Variants in GALNT16 observed in about 807,000 individuals in gnomAD.
The protein encoded by GALNT16 is UDP-GalNAc:polypeptide N-acetylgalactosaminyltransferase-like protein 1.
Under a neutral mutation model 76.1 loss-of-function variants are expected in GALNT16, and 40 were observed. The ratio of observed to expected loss-of-function variants is 0.53; its 90% CI spans 0.41 to 0.68. The LOEUF (loss-of-function observed/expected upper bound fraction) is 0.68. Among genes scored for constraint, GALNT16 ranks in the 30% least tolerant of loss-of-function variants. The probability of loss-of-function intolerance (pLI) is 0.00; values close to 1 mark genes in which losing one functional copy is unlikely to be tolerated. For missense variants in GALNT16, 621 were observed against 731.9 expected (o/e 0.85, Z 1.75); for synonymous variants, 276 against 285.2 (o/e 0.97, Z 0.32).
chr14:69,370,123 T>A, the GALNT16 span, among the ~76,000 whole-genome samples: 1 of 152,188 alleles, frequency 6.6e-6, no homozygotes, highest in East Asian at 1.9e-4. Context: ...GCTGACTCTG[T>A]TTACATCCCT....
the GALNT16 span, among the ~76,000 whole-genome samples, chr14:69,372,098 A>T: frequency 6.6e-6 from 1 of 152,178 alleles, no homozygotes; most frequent in Non-Finnish European, 1.5e-5. Context: ...ACCTTTATGG[A>T]TGAGCAGGAT....
intron 7 of GALNT16, among the ~76,000 whole-genome samples, chr14:69,332,349 C>T (rs2045361164): frequency 6.7e-6 from 1 of 149,784 alleles, no homozygotes; most frequent in South Asian, 2.1e-4. Flanking sequence ...GTTACTTAAA[C>T]TTGCATTAAT....
chr14:69,302,074 G>C (rs2044861635), intron 1 of GALNT16, among the ~76,000 whole-genome samples: 1 of 152,128 alleles, frequency 6.6e-6, no homozygotes, highest in African/African-American at 2.4e-5. Context: ...GTGTGACTCT[G>C]CCTTCTGAGA....
intron 1 of GALNT16, among the ~76,000 whole-genome samples, chr14:69,288,585 C>T (rs2044648475): frequency 6.6e-6 from 1 of 152,208 alleles, no homozygotes; most frequent in Admixed American, 6.5e-5. Flanking sequence ...CCTAGCCAGG[C>T]CTGGCGAGTT....
chr14:69,294,256 G>A (rs530724794), intron 1 of GALNT16, among the ~76,000 whole-genome samples: 101 of 152,128 alleles, frequency 6.6e-4, no homozygotes, highest in African/African-American at 2.4e-3. Flanking sequence ...CAAGTAGCTG[G>A]GATTACAGGT....
downstream of GALNT16, among the ~76,000 whole-genome samples, chr14:69,361,397 C>T (rs142919624): frequency 1.7e-3 from 255 of 152,300 alleles, no homozygotes; most frequent in Non-Finnish European, 2.8e-3. Flanking sequence ...CCCAAGATTA[C>T]CCAGCTGGCA....
chr14:69,335,608 C>T (rs890637645), intron 9 of GALNT16, among the ~76,000 whole-genome samples: 5 of 152,244 alleles, frequency 3.3e-5, no homozygotes, highest in South Asian at 4.1e-4. Flanking sequence ...GCAAGGGCTC[C>T]GTGGTTGGAG....
chr14:69,370,714 T>C, the GALNT16 span, among the ~76,000 whole-genome samples: 3 of 152,162 alleles, frequency 2.0e-5, no homozygotes, highest in Non-Finnish European at 4.4e-5. Flanking sequence ...AATATTTCAG[T>C]ATACACTCTA....
At chr14:69,293,847 C>G (rs1054870756) in intron 1 of GALNT16, among the ~76,000 whole-genome samples, 2 of 151,760 alleles carry the variant, frequency 1.3e-5, no homozygotes, top group East Asian at 3.9e-4. Flanking sequence ...AGCAGCTACA[C>G]TGGGACAGTT....
intron 1 of GALNT16, among the ~76,000 whole-genome samples, chr14:69,290,559 A>C: frequency 6.6e-6 from 1 of 152,216 alleles, no homozygotes; most frequent in East Asian, 1.9e-4. Flanking sequence ...GCAGTTGAAA[A>C]GGTTGCAAAA....
At chr14:69,342,958 A>G (rs1390605809) in intron 12 of GALNT16, among the ~76,000 whole-genome samples, 1 of 152,208 alleles carries the variant, frequency 6.6e-6, no homozygotes, top group Non-Finnish European at 1.5e-5. Flanking sequence ...TATCTGGCCA[A>G]TTAATTTTGT....
chr14:69,373,981 A>G, the GALNT16 span, among the ~76,000 whole-genome samples: 3 of 152,122 alleles, frequency 2.0e-5, no homozygotes, highest in Non-Finnish European at 4.4e-5. Context: ...AGGTTTTGCC[A>G]CGTTGCCCAG....
At chr14:69,314,603 G>A (rs1393046664) in intron 1 of GALNT16, among the ~76,000 whole-genome samples, 4 of 152,246 alleles carry the variant, frequency 2.6e-5, no homozygotes, top group Non-Finnish European at 4.4e-5. Context: ...CCTGAGGCAG[G>A]CTCAGGGAGG....
At chr14:69,305,160 G>A (rs1359872301) in intron 1 of GALNT16, among the ~76,000 whole-genome samples, 8 of 142,614 alleles carry the variant, frequency 5.6e-5, no homozygotes, top group South Asian at 2.2e-4. Flanking sequence ...ATAACCATCC[G>A]ACAAGTATCT....
At chr14:69,307,167 G>T (rs2044947151) in intron 1 of GALNT16, among the ~76,000 whole-genome samples, 1 of 152,098 alleles carries the variant, frequency 6.6e-6, no homozygotes, top group African/African-American at 2.4e-5. Context: ...GATCCCCAAG[G>T]GAGCAAGTCC....
At chr14:69,272,384 C>A (rs1326530691) in intron 1 of GALNT16, among the ~76,000 whole-genome samples, 2 of 151,886 alleles carry the variant, frequency 1.3e-5, no homozygotes, top group Non-Finnish European at 2.9e-5. Context: ...TAAATAAATA[C>A]ATAAATAAAA....
chr14:69,271,242 A>G (rs1262685190), intron 1 of GALNT16, among the ~76,000 whole-genome samples: 2 of 152,186 alleles, frequency 1.3e-5, no homozygotes, highest in African/African-American at 4.8e-5. Flanking sequence ...ACAATGCAGC[A>G]TCCCTGAACC....
At chr14:69,377,425 G>A in the GALNT16 span, among the ~76,000 whole-genome samples, 5 of 152,206 alleles carry the variant, frequency 3.3e-5, no homozygotes, top group South Asian at 2.1e-4. Context: ...TGATAAATAT[G>A]TAGAAATATT....
At chr14:69,283,240 G>A (rs1164436156) in intron 1 of GALNT16, among the ~76,000 whole-genome samples, 1 of 152,216 alleles carries the variant, frequency 6.6e-6, no homozygotes, top group African/African-American at 2.4e-5. Flanking sequence ...ACAAATGATG[G>A]ATCACTAATG....
Sources: allele counts gnomAD v4.1 joint callset (sites outside exome capture counted in the v4.1 genomes callset), GRCh38; gene constraint gnomAD v4.1.1; transcripts MANE v1.5; gene names NCBI Gene and HGNC (gene_info 2026-07-23, HGNC 2026-07-21).